The following APPBP2 variants were observed in gnomAD, a reference collection of about 807,000 sequenced individuals.
The protein encoded by APPBP2 is amyloid protein-binding protein 2.
Under a neutral mutation model 76.0 loss-of-function variants are expected in APPBP2, and 15 were observed. The observed-to-expected ratio is 0.20, with a 90% CI of 0.13 to 0.30. APPBP2 has a LOEUF of 0.30. APPBP2 is among the 10% of genes least tolerant of loss of function. The probability of loss-of-function intolerance (pLI) is 1.00; values close to 1 mark genes in which losing one functional copy is unlikely to be tolerated. For missense variants in APPBP2, 401 were observed against 687.2 expected, an observed-to-expected ratio of 0.58 and a Z score of 4.66; for synonymous variants, 222 against 242.2, an observed-to-expected ratio of 0.92 and a Z score of 0.77.
chr17:60,506,803 C>T (rs921471447), intron 1 of APPBP2, among the ~76,000 whole-genome samples: 9 of 152,258 alleles, frequency 5.9e-5, no homozygotes, highest in South Asian at 2.1e-4. Context: ...TTTGGGAGGC[C>T]GAGGCGGGCA....
At chr17:60,521,880 G>C (rs1025961639) in intron 1 of APPBP2, among the ~76,000 whole-genome samples, 5 of 152,132 alleles carry the variant, frequency 3.3e-5, no homozygotes. Context: ...CAAAACATTG[G>C]ACACCCCTGG....
intron 4 of APPBP2, among the ~76,000 whole-genome samples, chr17:60,469,156 T>C (rs1179728344): frequency 6.6e-6 from 1 of 151,912 alleles, no homozygotes; most frequent in Non-Finnish European, 1.5e-5. Context: ...TCCCCGTCTC[T>C]ACTAAAAATA....
chr17:60,523,613 G>A (rs1004254339), intron 1 of APPBP2, among the ~76,000 whole-genome samples: 4 of 152,278 alleles, frequency 2.6e-5, no homozygotes, highest in Non-Finnish European at 5.9e-5. Context: ...AGGATAGCTT[G>A]AGCCCAGGAG....
At chr17:60,523,438 G>A (rs1263340195) in intron 1 of APPBP2, among the ~76,000 whole-genome samples, 6 of 151,824 alleles carry the variant, frequency 4.0e-5, no homozygotes, top group Non-Finnish European at 7.4e-5. Flanking sequence ...TCAAGGTTGC[G>A]GTGAGCTATG....
intron 3 of APPBP2, 150 bp downstream of exon 3, chr17:60,494,316 T>C: frequency 5.6e-6 from 4 of 713,838 alleles, no homozygotes; most frequent in Non-Finnish European, 6.8e-6. Flanking sequence ...ATGTATAGTA[T>C]AATGCTTTGG....
intron 3 of APPBP2, among the ~76,000 whole-genome samples, chr17:60,489,802 G>A (rs1423109686): frequency 1.3e-5 from 2 of 152,046 alleles, no homozygotes; most frequent in South Asian, 4.1e-4. Flanking sequence ...TTTGGTGGCA[G>A]AGGTGGGTGG....
chr17:60,478,739 T>C (rs1041362112), intron 4 of APPBP2, among the ~76,000 whole-genome samples: 3 of 152,054 alleles, frequency 2.0e-5, no homozygotes, highest in Non-Finnish European at 4.4e-5. Context: ...CTGACCAACA[T>C]GGCAAAACCC....
At chr17:60,475,786 C>T (rs2090586657) in intron 4 of APPBP2, among the ~76,000 whole-genome samples, 1 of 151,708 alleles carries the variant, frequency 6.6e-6, no homozygotes, top group East Asian at 1.9e-4. Context: ...GGTTTAAAAA[C>T]ATAATAAATA....
At chr17:60,454,870 T>G (rs972862820) in intron 10 of APPBP2, among the ~76,000 whole-genome samples, 14 of 152,126 alleles carry the variant, frequency 9.2e-5, no homozygotes, top group Non-Finnish European at 2.1e-4. Flanking sequence ...CTTCTGAAAA[T>G]TTTGAAAACA....
chr17:60,521,585 T>C, intron 1 of APPBP2, among the ~76,000 whole-genome samples: 1 of 151,690 alleles, frequency 6.6e-6, no homozygotes, highest in Non-Finnish European at 1.5e-5. Flanking sequence ...TTACACTTTT[T>C]TTTTTCTTTT....
At position 60,491,724 on chromosome 17, in the gene APPBP2, G is replaced by GTGTGAGC. The variant is rs138633629; in HGVS notation, c.379+2735_379+2741dup. On this transcript the variant is annotated intron_variant, in intron 3 of 12. Transcript: ENST00000083182. ...GCCTCCCAAAGTGCTGGGACTAGAG[G>GTGTGAGC]TGTGAGCTACTGCACCCAGTCAGCA... Among the ~76,000 whole-genome samples, 707 of 152,270 alleles carry GTGTGAGC rather than the reference G, an allele frequency of 4.6e-3. 2 individuals are homozygous for GTGTGAGC. The highest frequency in any genetic ancestry group is 0.016 in the African/African-American group (683 of 41,558).
intron 4 of APPBP2, among the ~76,000 whole-genome samples, chr17:60,469,345 T>A (rs373315036): frequency 0.054 from 7,466 of 139,514 alleles, 262 homozygotes; most frequent in East Asian, 0.094. Flanking sequence ...AAAAAAAAAA[T>A]TGGAAATAAA....
At position 60,456,394 on chromosome 17, in the gene APPBP2, T is replaced by C; in HGVS notation, c.1062-13A>G. On this transcript the variant is annotated splice_polypyrimidine_tract_variant and intron_variant, in intron 9 of 12. Coordinates refer to ENST00000083182, the MANE Select transcript of APPBP2 (RefSeq NM_006380.5). ...TTCTGCATGAAATCTGTAATACAGA[T>C]AGATACAGTCTGGCATTTCTTTTTA... 6.7e-7 allele frequency: 1 copy of C among 1,501,798 alleles called. No homozygotes were observed. The highest frequency in any genetic ancestry group is 9.3e-7 in the Non-Finnish European group (1 of 1,078,700). 93.0% of individuals were successfully genotyped at this position (1,501,798 alleles called of 1,614,324 possible).
intron 6 of APPBP2, among the ~76,000 whole-genome samples, chr17:60,463,721 A>G (rs2090491418): frequency 6.6e-6 from 1 of 152,200 alleles, no homozygotes; most frequent in South Asian, 2.1e-4. Context: ...AAACAAAAAC[A>G]AACTCAAGCC....
At chr17:60,463,883 G>A in intron 6 of APPBP2, 138 bp downstream of exon 6, 1 of 538,172 alleles carries the variant, frequency 1.9e-6, no homozygotes, top group Non-Finnish European at 3.1e-6. Context: ...TTCTAAAAAT[G>A]AGCACAGAAA....
chr17:60,496,376 A>T (rs1355276889), intron 2 of APPBP2: 1 of 152,222 alleles, frequency 6.6e-6, no homozygotes, highest in Non-Finnish European at 1.5e-5. Flanking sequence ...AGGTCAAATT[A>T]CATGCTTTTA....
At chr17:60,450,913 T>C (rs949608804) in intron 12 of APPBP2, among the ~76,000 whole-genome samples, 5 of 152,220 alleles carry the variant, frequency 3.3e-5, no homozygotes, top group Non-Finnish European at 7.3e-5. Flanking sequence ...TCATATCATA[T>C]AAAGAACTTC....
chr17:60,485,642 A>G (rs928830451), intron 3 of APPBP2, among the ~76,000 whole-genome samples: 1 of 152,098 alleles, frequency 6.6e-6, no homozygotes, highest in Non-Finnish European at 1.5e-5. Context: ...ATCTTTTCAA[A>G]AACCCAGCTC....
intron 1 of APPBP2, chr17:60,513,413 G>A (rs980973607): frequency 9.0e-6 from 6 of 666,054 alleles, no homozygotes; most frequent in African/African-American, 5.4e-5. Flanking sequence ...ATCACCTATC[G>A]GGATTCAATT....
Sources: allele counts gnomAD v4.1 joint callset (sites outside exome capture counted in the v4.1 genomes callset), GRCh38; gene constraint gnomAD v4.1.1; transcripts MANE v1.5; gene names NCBI Gene and HGNC (gene_info 2026-07-23, HGNC 2026-07-21).